SEMA3A: variants seen among roughly 807,000 people sequenced by gnomAD.
SEMA3A encodes the protein semaphorin-3A.
A neutral mutation model predicts 97.9 loss-of-function variants in SEMA3A; 29 were observed. That is an observed-to-expected ratio of 0.30 (90% CI 0.22 to 0.40). SEMA3A has a LOEUF of 0.40. Ranked by LOEUF, SEMA3A falls within the 10% of genes least tolerant of loss-of-function variation. The pLI is 1.00. For missense variants in SEMA3A, 763 were observed against 951.3 expected, an observed-to-expected ratio of 0.80 and a Z score of 2.60; for synonymous variants, 321 against 323.7, an observed-to-expected ratio of 0.99 and a Z score of 0.09.
At chr7:84,009,386 A>G (rs1404478) in intron 9 of SEMA3A, among the ~76,000 whole-genome samples, 34,864 of 151,956 alleles carry the variant, frequency 0.23, 4,272 homozygotes, top group African/African-American at 0.31. Flanking sequence ...AGTTTTAGGA[A>G]TATGGATTCC....
At chr7:84,190,884 A>T (rs1385005721) in intron 1 of SEMA3A, among the ~76,000 whole-genome samples, 1 of 150,760 alleles carries the variant, frequency 6.6e-6, no homozygotes, top group African/African-American at 2.4e-5. Context: ...ATAAAATCAT[A>T]AAATGAAGTT....
intron 3 of SEMA3A, among the ~76,000 whole-genome samples, chr7:84,119,417 C>T (rs1795534482): frequency 6.6e-6 from 1 of 152,016 alleles, no homozygotes; most frequent in Non-Finnish European, 1.5e-5. Flanking sequence ...GTTTTCCATG[C>T]TACCAACTAA....
intron 1 of SEMA3A, among the ~76,000 whole-genome samples, chr7:84,423,461 C>T (rs1346835184): frequency 1.3e-5 from 2 of 152,062 alleles, no homozygotes; most frequent in Non-Finnish European, 2.9e-5. Context: ...TCCTCCCTCA[C>T]GTATTTCACT....
At chr7:84,050,650 T>A (rs948922950) in intron 5 of SEMA3A, among the ~76,000 whole-genome samples, 12 of 152,084 alleles carry the variant, frequency 7.9e-5, no homozygotes, top group Non-Finnish European at 1.8e-4. Flanking sequence ...TTTCTCCCAT[T>A]TTGTAGGTTG....
chr7:84,148,856 T>C (rs1796542814), intron 1 of SEMA3A, among the ~76,000 whole-genome samples: 1 of 152,198 alleles, frequency 6.6e-6, no homozygotes, highest in South Asian at 2.1e-4. Flanking sequence ...TTCTTAATAG[T>C]GTTTTCCTTT....
At position 84,062,561 on chromosome 7, in the gene SEMA3A, C is replaced by T. The variant is rs537234999; in HGVS notation, c.454-2003G>A. ...CAGTGGGCATAGGTCAGTGGGTGCG[C>T]GCACCACGCGCGAGCCGAAGCAGGG... is the stretch of plus-strand genomic sequence containing the variant. On this transcript the variant is annotated intron_variant, in intron 4 of 16. Transcript: ENST00000265362. Among the ~76,000 whole-genome samples, 190 of 152,286 alleles carry T rather than the reference C, an allele frequency of 1.2e-3. 1 individual carries two copies. Among genetic ancestry groups the T allele is most frequent in the African/African-American group, 4.3e-3 (177 of 41,556 alleles).
intron 3 of SEMA3A, among the ~76,000 whole-genome samples, chr7:84,276,046 T>C (rs1584192920): frequency 1.3e-5 from 2 of 152,098 alleles, no homozygotes; most frequent in South Asian, 2.1e-4. Context: ...TGTGCCTCAA[T>C]TGATCTTCTC....
At chr7:84,201,147 T>C (rs964869249) in intron 3 of SEMA3A, among the ~76,000 whole-genome samples, 1 of 152,038 alleles carries the variant, frequency 6.6e-6, no homozygotes, top group African/African-American at 2.4e-5. Context: ...ATGCATAGAG[T>C]TCCCCTTTGT....
At chr7:84,235,702 A>G (rs898353399) in intron 3 of SEMA3A, among the ~76,000 whole-genome samples, 2 of 152,114 alleles carry the variant, frequency 1.3e-5, no homozygotes, top group African/African-American at 4.8e-5. Context: ...AGTGGTTCTC[A>G]TAAAGACCAA....
chr7:84,205,099 C>T (rs1006172109), intron 3 of SEMA3A, among the ~76,000 whole-genome samples: 1 of 152,168 alleles, frequency 6.6e-6, no homozygotes, highest in African/African-American at 2.4e-5. Flanking sequence ...CATTTCAGAG[C>T]AAATTATTTT....
At chr7:84,112,987 A>G (rs1273070632) in intron 3 of SEMA3A, among the ~76,000 whole-genome samples, 1 of 152,194 alleles carries the variant, frequency 6.6e-6, no homozygotes, top group Non-Finnish European at 1.5e-5. Context: ...GATTCCCTTC[A>G]TTTCCCCACT....
chr7:84,270,593 ATTAT>A (rs1468251542), intron 3 of SEMA3A, among the ~76,000 whole-genome samples: 5 of 147,372 alleles, frequency 3.4e-5, no homozygotes, highest in Middle Eastern at 3.3e-3. Context: ...TATATAAATA[ATTAT>A]TTATATATTA....
intron 3 of SEMA3A, among the ~76,000 whole-genome samples, chr7:84,120,673 T>A (rs553437734): frequency 6.6e-6 from 1 of 152,330 alleles, no homozygotes; most frequent in Non-Finnish European, 1.5e-5. Flanking sequence ...AAATCATATT[T>A]AAAATGGATA....
intron 3 of SEMA3A, among the ~76,000 whole-genome samples, chr7:84,289,735 T>C (rs1160318255): frequency 6.6e-6 from 1 of 152,108 alleles, no homozygotes; most frequent in Non-Finnish European, 1.5e-5. Context: ...AAGTTATACA[T>C]ACTGTTACCA....
At chr7:84,309,248 G>GA (rs1472138707) in intron 2 of SEMA3A, among the ~76,000 whole-genome samples, 7 of 152,160 alleles carry the variant, frequency 4.6e-5, no homozygotes, top group Admixed American at 6.5e-5. Context: ...AGAGGATAGT[G>GA]AAAGAGTATC....
At chr7:84,377,235 G>A (rs988206246) in intron 1 of SEMA3A, among the ~76,000 whole-genome samples, 1 of 147,956 alleles carries the variant, frequency 6.8e-6, no homozygotes, top group Non-Finnish European at 1.5e-5. Context: ...CTTTCTGCTT[G>A]TGGATATCTA....
intron 2 of SEMA3A, among the ~76,000 whole-genome samples, chr7:84,310,020 C>T (rs533720497): frequency 6.6e-6 from 1 of 152,162 alleles, no homozygotes; most frequent in African/African-American, 2.4e-5. Context: ...TTGAAAAGTG[C>T]ATTGATCAAA....
intron 3 of SEMA3A, among the ~76,000 whole-genome samples, chr7:84,276,736 C>A (rs1321847559): frequency 4.6e-5 from 7 of 152,044 alleles, no homozygotes; most frequent in Non-Finnish European, 8.8e-5. Context: ...CTATGCCTGC[C>A]TAGTGCTCTT....
intron 12 of SEMA3A, among the ~76,000 whole-genome samples, chr7:83,995,339 C>T (rs746201436): frequency 5.9e-5 from 9 of 152,000 alleles, no homozygotes; most frequent in Non-Finnish European, 1.2e-4. Context: ...TTGGCTCCTC[C>T]CCCCAATAAA....
Sources: allele counts gnomAD v4.1 joint callset (sites outside exome capture counted in the v4.1 genomes callset), GRCh38; gene constraint gnomAD v4.1.1; transcripts MANE v1.5; gene names NCBI Gene and HGNC (gene_info 2026-07-23, HGNC 2026-07-21).